Variants in IGDCC4 observed in about 807,000 individuals in gnomAD.
IGDCC4 encodes the protein likely ortholog of mouse neighbor of Punc E11.
IGDCC4 carries 72 observed loss-of-function variants against 116.6 expected under a neutral mutation model. The ratio of observed to expected loss-of-function variants is 0.62; its 90% CI spans 0.51 to 0.75. The LOEUF (loss-of-function observed/expected upper bound fraction) is 0.75. Ranked by LOEUF, IGDCC4 falls within the 30% of genes least tolerant of loss-of-function variation. IGDCC4 has a pLI of 0.00. For synonymous variants in IGDCC4, 709 were observed against 719.9 expected, an observed-to-expected ratio of 0.98 and a Z score of 0.24; for missense variants, 1,501 against 1,662.4, an observed-to-expected ratio of 0.90 and a Z score of 1.69.
chr15:65,406,709 C>T (rs907928064), intron 3 of IGDCC4, among the ~76,000 whole-genome samples: 8 of 152,142 alleles, frequency 5.3e-5, no homozygotes, highest in African/African-American at 1.9e-4. Flanking sequence ...TTTCTTTATT[C>T]CCCCCACACA....
Position 65,405,200 on chromosome 15 carries a change from T to C in IGDCC4, c.564-2713A>G, listed in dbSNP as rs533045282. ...TTTAGAAAATAGAGAAAAGTTATAT[T>C]AGGATATACATAGAAAAAGCCACAG... is the stretch of plus-strand genomic sequence containing the variant. On this transcript the variant is annotated intron_variant, in intron 3 of 19. Coordinates refer to ENST00000352385, the MANE Select transcript of IGDCC4 (RefSeq NM_020962.3). Among the ~76,000 whole-genome samples the C allele has an allele frequency of 2.6e-5, 4 of 151,676 alleles. No individual in the cohort carries two copies. In the South Asian group the frequency reaches 8.3e-4, roughly 32 times the overall value.
At chr15:65,391,215 G>C (rs2091511264) in intron 12 of IGDCC4, among the ~76,000 whole-genome samples, 1 of 152,178 alleles carries the variant, frequency 6.6e-6, no homozygotes, top group African/African-American at 2.4e-5. Flanking sequence ...GGGCAACAGA[G>C]TGAGACTCTG....
At chr15:65,386,102 G>A in intron 17 of IGDCC4, 43 bp from the exon 18 acceptor site, 3 of 1,240,050 alleles carry the variant, frequency 2.4e-6, no homozygotes, top group Non-Finnish European at 3.3e-6. Context: ...GTCAGAGTAA[G>A]GGGTCAGGCG....
At chr15:65,416,136 C>CTTTTTTTTT (rs60072640) in intron 1 of IGDCC4, among the ~76,000 whole-genome samples, 3 of 77,610 alleles carry the variant, frequency 3.9e-5, no homozygotes, top group Non-Finnish European at 6.8e-5. Context: ...AATGTTTTGA[C>CTTTTTTTTT]TTTTTTTTTT....
At position 65,410,312 on chromosome 15, in the gene IGDCC4, T is replaced by C; in HGVS notation, c.429A>G (p.Ala143=). Residue 143 remains alanine, a synonymous_variant, in exon 3 of 20, where the codon GCA becomes GCG. Coordinates refer to ENST00000352385, the MANE Select transcript of IGDCC4 (RefSeq NM_020962.3). ...GAGACTCCGGGTGCAGAGAGAAGTC[T>C]GCGAGTGCTGGGGACAGTGAGACAC... ...QTAVVKLATL[A]DFSLHPESQT... is the part of the protein sequence containing the mutation. The C allele has an allele frequency of 1.9e-6, 3 of 1,613,940 alleles. No individual in the cohort carries two copies. Among genetic ancestry groups the C allele is most frequent in the Non-Finnish European group, 2.5e-6 (3 of 1,180,024 alleles).
chr15:65,403,911 G>A (rs1482906441), intron 3 of IGDCC4, among the ~76,000 whole-genome samples: 1 of 152,152 alleles, frequency 6.6e-6, no homozygotes, highest in African/African-American at 2.4e-5. Context: ...GACCTAAGGA[G>A]GGGGTGAATG....
At chr15:65,402,602 C>G in intron 3 of IGDCC4, 115 bp from the exon 4 acceptor site, 1 of 1,350,320 alleles carries the variant, frequency 7.4e-7, no homozygotes, top group Non-Finnish European at 1.0e-6. Context: ...GGCGCAGTGG[C>G]TCACGCCTAT....
rs1297636073 is a variant in IGDCC4 at position 65,396,170 on chromosome 15, G to A, written c.998-7C>T. 2 of 1,495,330 alleles carry A rather than the reference G, an allele frequency of 1.3e-6. No homozygotes were observed. Among genetic ancestry groups the A allele is most frequent in the Admixed American group, 2.1e-5 (1 of 47,808 alleles). 92.6% of individuals were successfully genotyped at this position (1,495,330 alleles called of 1,614,324 possible). On this transcript the variant is annotated splice_polypyrimidine_tract_variant and splice_region_variant and intron_variant, in intron 6 of 19. Coordinates refer to ENST00000352385, the MANE Select transcript of IGDCC4 (RefSeq NM_020962.3). ...TGAGTGATGGCGGGAGCCGCTAGGG[G>A]CGCGAGGGGCGACGCTGAGCGCGGG... is the stretch of plus-strand genomic sequence containing the variant.
intron 18 of IGDCC4, chr15:65,385,422 G>A: frequency 1.9e-6 from 1 of 523,264 alleles, no homozygotes; most frequent in Non-Finnish European, 3.4e-6. Context: ...TGCCGCCCCT[G>A]CCAGCATGAA....
Position 65,422,931 on chromosome 15 carries a change from G to A in IGDCC4, c.-69C>T. 3.2e-6 allele frequency: 3 copies of A among 951,386 alleles called. No homozygotes were observed. The highest frequency in any genetic ancestry group is 3.7e-6 in the Non-Finnish European group (3 of 801,574). 58.9% of individuals were successfully genotyped at this position (951,386 alleles called of 1,614,324 possible). A position where few individuals can be genotyped will look rare whatever the true frequency, so the allele number is the denominator to read the frequency against. On this transcript the variant is annotated 5_prime_UTR_variant, in exon 1 of 20. Transcript: ENST00000352385. ...CTTCGGCCGCCGCCGCGGGGGGAGA[G>A]CGCGCCGGGCGTCAGTGGCCCGGGG...
At chr15:65,391,514 A>G (rs2091514906) in intron 12 of IGDCC4, among the ~76,000 whole-genome samples, 1 of 152,156 alleles carries the variant, frequency 6.6e-6, no homozygotes, top group Non-Finnish European at 1.5e-5. Flanking sequence ...TAGACTTGAG[A>G]GATAGTCTGA....
At chr15:65,394,626 C>T in intron 8 of IGDCC4, 78 bp from the exon 9 acceptor site, 4 of 1,401,122 alleles carry the variant, frequency 2.9e-6, no homozygotes, top group Non-Finnish European at 3.9e-6. Flanking sequence ...AGAGACTTGC[C>T]TGGGTCACAC....
intron 5 of IGDCC4, among the ~76,000 whole-genome samples, chr15:65,398,214 G>A (rs2062945169): frequency 6.6e-6 from 1 of 152,178 alleles, no homozygotes; most frequent in East Asian, 1.9e-4. Context: ...AGTTTTCTAC[G>A]GTGAACATGT....
At chr15:65,417,600 T>A (rs1382121746) in intron 1 of IGDCC4, among the ~76,000 whole-genome samples, 1 of 152,132 alleles carries the variant, frequency 6.6e-6, no homozygotes, top group East Asian at 1.9e-4. Flanking sequence ...CACTCCAGAT[T>A]TTTTTTGCGG....
At chr15:65,399,447 C>CAAAAAAAAA (rs112040935) in intron 5 of IGDCC4, among the ~76,000 whole-genome samples, 2 of 71,182 alleles carry the variant, frequency 2.8e-5, no homozygotes, top group African/African-American at 4.3e-5. Flanking sequence ...GGGTGACAGG[C>CAAAAAAAAA]AAAAAAAAAA....
At position 65,414,723 on chromosome 15, in the gene IGDCC4, C is replaced by A. The variant is rs546401104; in HGVS notation, c.71-3353G>T. Among the ~76,000 whole-genome samples the A allele has an allele frequency of 2.0e-4, 31 of 152,276 alleles. No homozygotes were observed. The East Asian group carries it at 3.9e-3, about 19-fold the overall frequency. On this transcript the variant is annotated intron_variant, in intron 1 of 19. Transcript: ENST00000352385. ...GTGACATGATCTCAGCTCACTGCAA[C>A]CTCCACCTCCTGGGTTCATATGATT...
In IGDCC4 at chr15:65,420,412, G is replaced by A. The variant is rs143912949; in HGVS notation, c.70+2381C>T. ...TCTTCTGGATTGCTACAACAGCCTC[G>A]AAGGAGCTGGAGCTTCCTGCCTCCA... On this transcript the variant is annotated intron_variant, in intron 1 of 19. Transcript: ENST00000352385. 5.9e-5 allele frequency among the ~76,000 whole-genome samples: 9 copies of A among 152,224 alleles called. No homozygotes were observed. The East Asian group carries it at 1.4e-3, about 23-fold the overall frequency.
intron 2 of IGDCC4, chr15:65,410,583 G>T (rs2063081721): frequency 5.7e-6 from 3 of 528,580 alleles, no homozygotes; most frequent in Admixed American, 3.2e-5. Flanking sequence ...ACTTCTTCTG[G>T]CCTGAAAGTT....
At chr15:65,386,691 G>A (rs1208258725) in intron 16 of IGDCC4, 35 bp from the exon 17 acceptor site, 6 of 1,540,836 alleles carry the variant, frequency 3.9e-6, no homozygotes, top group South Asian at 1.2e-5. Flanking sequence ...AGCAGGTCAG[G>A]ACAGAGGAAG....
Sources: allele counts gnomAD v4.1 joint callset (sites outside exome capture counted in the v4.1 genomes callset), GRCh38; gene constraint gnomAD v4.1.1; transcripts MANE v1.5; gene names NCBI Gene and HGNC (gene_info 2026-07-23, HGNC 2026-07-21).